LRRTM4: variants seen among roughly 807,000 people sequenced by gnomAD.
LRRTM4 encodes leucine-rich repeat transmembrane neuronal protein 4.
LRRTM4 carries 25 observed loss-of-function variants against 47.6 expected under a neutral mutation model. That is an observed-to-expected ratio of 0.53 (90% CI 0.38 to 0.73). The LOEUF (loss-of-function observed/expected upper bound fraction) is 0.73, where lower values mean the gene tolerates loss of function less well. LRRTM4 is among the 30% of genes least tolerant of loss of function. The pLI is 0.00. For missense variants in LRRTM4, 638 were observed against 713.4 expected (o/e 0.89, Z 1.20); for synonymous variants, 311 against 269.5 (o/e 1.15, Z -1.51).
chr2:76,867,411 TTAAAA>T (rs1437725669), intron 3 of LRRTM4, among the ~76,000 whole-genome samples: 7 of 152,196 alleles, frequency 4.6e-5, no homozygotes, highest in African/African-American at 1.7e-4. Context: ...TATAAAAGAT[TTAAAA>T]TAAAATACCT....
intron 3 of LRRTM4, among the ~76,000 whole-genome samples, chr2:76,900,721 ATAGT>A (rs1673595580): frequency 6.6e-6 from 1 of 152,226 alleles, no homozygotes; most frequent in Non-Finnish European, 1.5e-5. Flanking sequence ...AATCGAGATA[ATAGT>A]TAAAAAGGTG....
At chr2:76,869,747 T>C (rs1373474079) in intron 3 of LRRTM4, among the ~76,000 whole-genome samples, 1 of 152,088 alleles carries the variant, frequency 6.6e-6, no homozygotes, top group African/African-American at 2.4e-5. Flanking sequence ...GTTTGTATTA[T>C]AAGATTTTAA....
intron 3 of LRRTM4, among the ~76,000 whole-genome samples, chr2:76,911,291 C>T (rs936716126): frequency 1.3e-5 from 2 of 152,110 alleles, no homozygotes; most frequent in African/African-American, 4.8e-5. Context: ...TTTGTTAATG[C>T]AATCATTGTT....
At chr2:77,405,081 G>A (rs1350684521) in intron 3 of LRRTM4, among the ~76,000 whole-genome samples, 3 of 152,038 alleles carry the variant, frequency 2.0e-5, no homozygotes, top group Non-Finnish European at 4.4e-5. Flanking sequence ...AATAGCAAGT[G>A]TAAGCCATGA....
At chr2:76,749,554 G>T (rs1314625592) in intron 3 of LRRTM4, among the ~76,000 whole-genome samples, 2 of 152,022 alleles carry the variant, frequency 1.3e-5, no homozygotes, top group Non-Finnish European at 2.9e-5. Flanking sequence ...AAGAACTCTG[G>T]AATCATGGGA....
chr2:76,982,420 A>C (rs559201171), intron 3 of LRRTM4, among the ~76,000 whole-genome samples: 2 of 152,186 alleles, frequency 1.3e-5, no homozygotes, highest in Non-Finnish European at 2.9e-5. Context: ...TCATGAAGTA[A>C]ATGGAAAGGA....
At chr2:76,824,503 C>G (rs1032419470) in intron 3 of LRRTM4, among the ~76,000 whole-genome samples, 1 of 150,930 alleles carries the variant, frequency 6.6e-6, no homozygotes, top group Non-Finnish European at 1.5e-5. Context: ...AGTCAGCAGG[C>G]TACTTTATTT....
At chr2:77,367,104 A>ATTTCTC (rs1672488631) in intron 3 of LRRTM4, among the ~76,000 whole-genome samples, 1 of 151,656 alleles carries the variant, frequency 6.6e-6, no homozygotes, top group Non-Finnish European at 1.5e-5. Context: ...TCACCATTAG[A>ATTTCTC]GCCTGAATGT....
At chr2:77,130,265 T>C (rs1454218922) in intron 3 of LRRTM4, among the ~76,000 whole-genome samples, 2 of 152,182 alleles carry the variant, frequency 1.3e-5, no homozygotes, top group African/African-American at 2.4e-5. Context: ...AAAACGCAAC[T>C]TTATTAACAA....
intron 3 of LRRTM4, among the ~76,000 whole-genome samples, chr2:76,927,985 A>G (rs11893872): frequency 0.011 from 1,613 of 152,306 alleles, 44 homozygotes; most frequent in African/African-American, 0.037. Flanking sequence ...TGATTCAAAT[A>G]AGCTGAATAA....
At chr2:77,093,916 C>A (rs1251624319) in intron 3 of LRRTM4, among the ~76,000 whole-genome samples, 1 of 151,046 alleles carries the variant, frequency 6.6e-6, no homozygotes, top group Non-Finnish European at 1.5e-5. Flanking sequence ...CACCTTGCGA[C>A]CCCCACTCCT....
intron 3 of LRRTM4, among the ~76,000 whole-genome samples, chr2:77,023,713 G>T (rs946069875): frequency 6.6e-6 from 1 of 152,038 alleles, no homozygotes; most frequent in Non-Finnish European, 1.5e-5. Flanking sequence ...TCCATTTGAG[G>T]CCACCTCAAC....
At chr2:77,460,156 C>T (rs1380953072) in intron 3 of LRRTM4, among the ~76,000 whole-genome samples, 5 of 152,262 alleles carry the variant, frequency 3.3e-5, no homozygotes, top group East Asian at 1.9e-4. Context: ...GATCAACACA[C>T]ATTTTGTATG....
chr2:77,496,693 ATG>A (rs1234345858), intron 3 of LRRTM4, among the ~76,000 whole-genome samples: 1 of 151,734 alleles, frequency 6.6e-6, no homozygotes, highest in Admixed American at 6.6e-5. Flanking sequence ...GACTGATAAA[ATG>A]TGTATAGAAT....
chr2:76,914,149 A>G (rs1182280207), intron 3 of LRRTM4, among the ~76,000 whole-genome samples: 1 of 151,892 alleles, frequency 6.6e-6, no homozygotes, highest in Non-Finnish European at 1.5e-5. Context: ...TAGTCTATTC[A>G]TGTTTTCCGG....
chr2:76,785,116 C>G (rs536555938), intron 3 of LRRTM4, among the ~76,000 whole-genome samples: 1 of 151,928 alleles, frequency 6.6e-6, no homozygotes, highest in Non-Finnish European at 1.5e-5. Context: ...CTTGCTACAC[C>G]GATCTTGAAG....
chr2:77,092,724 C>T (rs1670687942), intron 3 of LRRTM4, among the ~76,000 whole-genome samples: 1 of 143,752 alleles, frequency 7.0e-6, no homozygotes, highest in Non-Finnish European at 1.5e-5. Context: ...TCATTTCTTC[C>T]ATTCTGTCAG....
At chr2:77,329,963 A>T (rs1052888982) in intron 3 of LRRTM4, among the ~76,000 whole-genome samples, 5 of 152,166 alleles carry the variant, frequency 3.3e-5, no homozygotes, top group Non-Finnish European at 7.3e-5. Context: ...TTAGGCAAGG[A>T]TAAGCCAGTA....
chr2:77,430,018 A>G (rs1489477120), intron 3 of LRRTM4, among the ~76,000 whole-genome samples: 1 of 152,128 alleles, frequency 6.6e-6, no homozygotes, highest in Admixed American at 6.5e-5. Flanking sequence ...GTGAGCTGCA[A>G]TTCTGCCACT....
Sources: allele counts gnomAD v4.1 joint callset (sites outside exome capture counted in the v4.1 genomes callset), GRCh38; gene constraint gnomAD v4.1.1; transcripts MANE v1.5; gene names NCBI Gene and HGNC (gene_info 2026-07-23, HGNC 2026-07-21).